Variants in FAF1 observed in about 807,000 individuals in gnomAD.
FAF1 encodes FAS-associated factor 1.
Under a neutral mutation model 92.5 loss-of-function variants are expected in FAF1, and 25 were observed. The observed-to-expected ratio is 0.27, with a 90% CI of 0.20 to 0.38. The LOEUF (loss-of-function observed/expected upper bound fraction) is 0.38, where lower values mean the gene tolerates loss of function less well. FAF1 is among the 10% of genes least tolerant of loss of function. The pLI, the probability that FAF1 is intolerant of heterozygous loss-of-function variation, is 1.00. For synonymous variants in FAF1, 234 were observed against 273.2 expected (o/e 0.86, Z 1.42); for missense variants, 636 against 793.3 (o/e 0.80, Z 2.38).
intron 3 of FAF1, among the ~76,000 whole-genome samples, chr1:50,797,567 C>G (rs1661809854): frequency 6.6e-6 from 1 of 151,982 alleles, no homozygotes; most frequent in Admixed American, 6.6e-5. Flanking sequence ...GGTGTGGTGG[C>G]AAGCGCCTAC....
At chr1:50,670,769 A>G (rs1015497555) in intron 7 of FAF1, among the ~76,000 whole-genome samples, 1 of 151,996 alleles carries the variant, frequency 6.6e-6, no homozygotes, top group Non-Finnish European at 1.5e-5. Flanking sequence ...CCGTCTCTAT[A>G]AAATACAAAA....
intron 1 of FAF1, among the ~76,000 whole-genome samples, chr1:50,901,549 A>G (rs1270565777): frequency 1.3e-5 from 2 of 151,706 alleles, no homozygotes; most frequent in Non-Finnish European, 2.9e-5. Context: ...AAATTTAAAA[A>G]TTTAAAAAGA....
chr1:50,893,221 T>C (rs1644733057), intron 1 of FAF1, among the ~76,000 whole-genome samples: 1 of 152,228 alleles, frequency 6.6e-6, no homozygotes, highest in South Asian at 2.1e-4. Context: ...AGTCACGTTT[T>C]CCTGGATAAT....
chr1:50,782,778 G>A (rs1446150301), intron 4 of FAF1, among the ~76,000 whole-genome samples: 2 of 152,070 alleles, frequency 1.3e-5, no homozygotes, highest in African/African-American at 4.8e-5. Context: ...AATAAATTTA[G>A]GGTAGCCTAG....
chr1:50,947,570 T>C (rs1557600114), intron 1 of FAF1, among the ~76,000 whole-genome samples: 1 of 152,252 alleles, frequency 6.6e-6, no homozygotes, highest in African/African-American at 2.4e-5. Context: ...ATAAAATGTA[T>C]GCCTTAAAAT....
chr1:50,705,554 C>T (rs1027934067), intron 7 of FAF1, among the ~76,000 whole-genome samples: 3 of 152,108 alleles, frequency 2.0e-5, no homozygotes, highest in African/African-American at 7.2e-5. Flanking sequence ...TTTTAAGCAG[C>T]GTTTCAAGTT....
At chr1:50,586,098 G>C (rs920258149) in intron 9 of FAF1, among the ~76,000 whole-genome samples, 10 of 152,040 alleles carry the variant, frequency 6.6e-5, no homozygotes, top group African/African-American at 2.2e-4. Flanking sequence ...AATGTCAGAG[G>C]TTAGACAGTT....
At chr1:50,922,723 G>A (rs1644974759) in intron 1 of FAF1, among the ~76,000 whole-genome samples, 2 of 149,594 alleles carry the variant, frequency 1.3e-5, no homozygotes, top group South Asian at 4.2e-4. Flanking sequence ...GGGGGCTGAG[G>A]CAGGAGAATC....
intron 3 of FAF1, among the ~76,000 whole-genome samples, chr1:50,790,145 T>A (rs1437733979): frequency 1.3e-5 from 2 of 152,188 alleles, no homozygotes; most frequent in African/African-American, 2.4e-5. Flanking sequence ...CTTATTTGTA[T>A]GTTTTGTTTT....
chr1:50,859,138 G>C (rs1210674680), intron 1 of FAF1, among the ~76,000 whole-genome samples: 1 of 151,602 alleles, frequency 6.6e-6, no homozygotes, highest in African/African-American at 2.4e-5. Flanking sequence ...AATAATAAGA[G>C]CCTAACTCAC....
At chr1:50,743,775 A>G (rs1347503375) in intron 5 of FAF1, among the ~76,000 whole-genome samples, 1 of 151,934 alleles carries the variant, frequency 6.6e-6, no homozygotes, top group Non-Finnish European at 1.5e-5. Context: ...TCTCTGGAAG[A>G]AAAAAAAGTG....
chr1:50,536,740 T>C (rs1209144671), intron 14 of FAF1, among the ~76,000 whole-genome samples: 1 of 152,132 alleles, frequency 6.6e-6, no homozygotes, highest in African/African-American at 2.4e-5. Flanking sequence ...ATCTAGTACC[T>C]GGAAATTGGC....
intron 3 of FAF1, among the ~76,000 whole-genome samples, chr1:50,801,229 AAAGGG>A (rs1351373111): frequency 6.6e-6 from 1 of 152,210 alleles, no homozygotes; most frequent in Non-Finnish European, 1.5e-5. Context: ...TTAGAACCCA[AAAGGG>A]AAGGAGAAAA....
At chr1:50,790,780 A>AATATTT (rs553286266) in intron 3 of FAF1, among the ~76,000 whole-genome samples, 1 of 151,830 alleles carries the variant, frequency 6.6e-6, no homozygotes, top group South Asian at 2.1e-4. Context: ...TAAGCAGAAA[A>AATATTT]ATATTTATAT....
rs553066675 is a variant in FAF1 at position 50,783,874 on chromosome 1, C to CA, written c.367+4125dup. Reference sequence around the variant, plus strand: ...TGGGTGACAGAGTGAGACTCCATCTCAAAAACAACAACAACAACATATGAA... The same window carrying CA: ...TGGGTGACAGAGTGAGACTCCATCTCAAAAAACAACAACAACAACATATGAA... On this transcript the variant is annotated intron_variant, in intron 4 of 18. Coordinates refer to ENST00000396153, the MANE Select transcript of FAF1 (RefSeq NM_007051.3). Among the ~76,000 whole-genome samples the CA allele has an allele frequency of 3.5e-4, 54 of 152,122 alleles. No individual in the cohort carries two copies. The Middle Eastern group carries it at 0.017, about 48-fold the overall frequency.
intron 18 of FAF1, among the ~76,000 whole-genome samples, chr1:50,443,952 C>T (rs924456974): frequency 1.3e-5 from 2 of 152,150 alleles, no homozygotes; most frequent in Non-Finnish European, 2.9e-5. Flanking sequence ...TGGAGACCCC[C>T]GTCTACAGCC....
chr1:50,734,982 G>A (rs1031566352), intron 6 of FAF1, among the ~76,000 whole-genome samples: 1 of 152,084 alleles, frequency 6.6e-6, no homozygotes, highest in African/African-American at 2.4e-5. Flanking sequence ...ATTTAGAGCA[G>A]GTGAAGAAAT....
intron 1 of FAF1, among the ~76,000 whole-genome samples, chr1:50,952,138 C>T (rs889936910): frequency 6.6e-6 from 1 of 152,226 alleles, no homozygotes; most frequent in Admixed American, 6.5e-5. Context: ...CCCGTTTCCA[C>T]AGTCTCCCTC....
intron 1 of FAF1, among the ~76,000 whole-genome samples, chr1:50,920,083 T>C (rs1256581037): frequency 1.3e-5 from 2 of 151,974 alleles, no homozygotes; most frequent in Admixed American, 1.3e-4. Context: ...GTGGACTACC[T>C]GAGGTCAGGA....
Sources: gnomAD v4.1 joint callset for allele counts (sites outside exome capture counted in the v4.1 genomes callset) on GRCh38, gnomAD v4.1.1 for gene constraint, MANE v1.5 for transcripts, NCBI Gene and HGNC (gene_info 2026-07-23, HGNC 2026-07-21) for gene names.